The following CADM2 variants were observed in gnomAD, a reference collection of about 807,000 sequenced individuals.
CADM2 encodes the protein cell adhesion molecule 2.
Under a neutral mutation model 49.8 loss-of-function variants are expected in CADM2, and 12 were observed. That is an observed-to-expected ratio of 0.24 (90% confidence interval 0.15 to 0.39). The LOEUF (loss-of-function observed/expected upper bound fraction) is 0.39, where lower values mean the gene tolerates loss of function less well. Among genes scored for constraint, CADM2 ranks in the 10% least tolerant of loss-of-function variants. The pLI is 1.00. For missense variants in CADM2, 378 were observed against 492.3 expected, an observed-to-expected ratio of 0.77 and a Z score of 2.20; for synonymous variants, 214 against 175.4, an observed-to-expected ratio of 1.22 and a Z score of -1.74.
intron 2 of CADM2, among the ~76,000 whole-genome samples, chr3:85,777,341 C>T (rs2107978062): frequency 6.6e-6 from 1 of 151,914 alleles, no homozygotes; most frequent in South Asian, 2.1e-4. Context: ...CTGCAGCCTC[C>T]GCCTCCCGGG....
rs186486326 is a variant in CADM2, at chr3:85,734,008, G to A, written c.88+7460G>A. Among the ~76,000 whole-genome samples the A allele has an allele frequency of 2.3e-3, 353 of 152,182 alleles. 1 individual carries two copies. The highest frequency in any genetic ancestry group is 3.8e-3 in the Non-Finnish European group (261 of 67,982). ...GGAGAAACAGAATGATCAATGTGTA[G>A]CAGTTAGTGGGACATTTTTAAAACA... On this transcript the variant is annotated intron_variant, in intron 2 of 9. Coordinates refer to ENST00000383699, the MANE Select transcript of CADM2 (RefSeq NM_001167675.2).
intron 1 of CADM2, among the ~76,000 whole-genome samples, chr3:85,030,207 A>G (rs536807416): frequency 6.6e-6 from 1 of 152,118 alleles, no homozygotes; most frequent in Non-Finnish European, 1.5e-5. Flanking sequence ...CACTTAGACA[A>G]TTCATTGCTC....
chr3:85,454,796 G>A (rs1483830173), intron 1 of CADM2, among the ~76,000 whole-genome samples: 2 of 152,146 alleles, frequency 1.3e-5, no homozygotes, highest in Non-Finnish European at 2.9e-5. Flanking sequence ...CCTTTAGGGA[G>A]CTTAAAGTTG....
intron 1 of CADM2, among the ~76,000 whole-genome samples, chr3:85,669,486 G>T (rs973839609): frequency 6.6e-6 from 1 of 152,114 alleles, no homozygotes; most frequent in East Asian, 1.9e-4. Context: ...AATTATACTT[G>T]CATTCTTGAA....
chr3:85,412,394 A>G (rs1346123631), intron 1 of CADM2, among the ~76,000 whole-genome samples: 2 of 152,204 alleles, frequency 1.3e-5, no homozygotes, highest in Non-Finnish European at 2.9e-5. Flanking sequence ...TAGTAACTTA[A>G]CTGTAGAAAT....
chr3:85,327,165 A>C (rs2107133032), intron 1 of CADM2, among the ~76,000 whole-genome samples: 1 of 152,196 alleles, frequency 6.6e-6, no homozygotes, highest in African/African-American at 2.4e-5. Context: ...TCTAAGATCT[A>C]AGGCTTCTAA....
intron 1 of CADM2, among the ~76,000 whole-genome samples, chr3:85,541,217 T>G (rs2107035699): frequency 6.6e-6 from 1 of 151,316 alleles, no homozygotes; most frequent in African/African-American, 2.4e-5. Flanking sequence ...ATATATACAT[T>G]TATACATTTA....
intron 1 of CADM2, among the ~76,000 whole-genome samples, chr3:85,464,252 A>G (rs2038388105): frequency 6.6e-6 from 1 of 152,150 alleles, no homozygotes; most frequent in Non-Finnish European, 1.5e-5. Context: ...TATTTTTAAA[A>G]CTGATATTTC....
At chr3:85,447,720 A>G (rs1408103644) in intron 1 of CADM2, among the ~76,000 whole-genome samples, 1 of 152,198 alleles carries the variant, frequency 6.6e-6, no homozygotes, top group Non-Finnish European at 1.5e-5. Flanking sequence ...ACAAACTGTT[A>G]TACTGAATCA....
chr3:85,321,001 AAG>A (rs1172120535), intron 1 of CADM2, among the ~76,000 whole-genome samples: 2 of 148,526 alleles, frequency 1.3e-5, no homozygotes, highest in Non-Finnish European at 3.0e-5. Context: ...TATAAGTTGT[AAG>A]ATGATAAGAC....
chr3:85,409,333 G>T (rs940577927), intron 1 of CADM2, among the ~76,000 whole-genome samples: 14 of 152,030 alleles, frequency 9.2e-5, no homozygotes, highest in Non-Finnish European at 1.9e-4. Flanking sequence ...AATATTATGA[G>T]ATTATATTTA....
chr3:85,154,140 C>T (rs1172146670), intron 1 of CADM2, among the ~76,000 whole-genome samples: 8 of 152,048 alleles, frequency 5.3e-5, no homozygotes, highest in Non-Finnish European at 1.0e-4. Flanking sequence ...CAAATTACTC[C>T]GAGCTACGGG....
chr3:85,157,359 C>G (rs1256698840), intron 1 of CADM2, among the ~76,000 whole-genome samples: 3 of 151,012 alleles, frequency 2.0e-5, no homozygotes, highest in Non-Finnish European at 4.4e-5. Context: ...CATATGGAAC[C>G]AAAAAAGAGC....
chr3:85,092,787 T>C (rs969242015), intron 1 of CADM2, among the ~76,000 whole-genome samples: 1 of 152,172 alleles, frequency 6.6e-6, no homozygotes, highest in African/African-American at 2.4e-5. Flanking sequence ...AGCTACTCTA[T>C]TCTTTAAGCC....
intron 1 of CADM2, among the ~76,000 whole-genome samples, chr3:85,679,760 C>G (rs1464781075): frequency 6.6e-6 from 1 of 152,014 alleles, no homozygotes. Flanking sequence ...TATATAATGA[C>G]TATTAGTAAA....
At chr3:85,588,216 G>A (rs902276672) in intron 1 of CADM2, among the ~76,000 whole-genome samples, 4 of 151,990 alleles carry the variant, frequency 2.6e-5, no homozygotes, top group African/African-American at 9.7e-5. Context: ...CAAGATACAA[G>A]CATTGTTTAA....
At position 85,310,737 on chromosome 3, in the gene CADM2, T is replaced by C. The variant is rs201110105; in HGVS notation, c.61+351069T>C. 4.6e-5 allele frequency among the ~76,000 whole-genome samples: 7 copies of C among 151,686 alleles called. No individual in the cohort carries two copies. The East Asian group carries it at 1.2e-3, about 26-fold the overall frequency. On this transcript the variant is annotated intron_variant, in intron 1 of 9. Coordinates refer to ENST00000383699, the MANE Select transcript of CADM2 (RefSeq NM_001167675.2). ...TTTTCTGTTCCTTTTTGTGTCACCA[T>C]GGGATCTGATGATCACCCTCTGAAA... is the stretch of plus-strand genomic sequence containing the variant.
chr3:85,285,068 C>T (rs2043600655), intron 1 of CADM2, among the ~76,000 whole-genome samples: 1 of 152,028 alleles, frequency 6.6e-6, no homozygotes, highest in African/African-American at 2.4e-5. Context: ...ATAGGATTTG[C>T]TGATGTCCGA....
chr3:85,347,676 C>G (rs2030881535), intron 1 of CADM2, among the ~76,000 whole-genome samples: 1 of 148,426 alleles, frequency 6.7e-6, no homozygotes, highest in Non-Finnish European at 1.5e-5. Flanking sequence ...CAGTCTTACT[C>G]TGTCACCTAG....
Sources: allele counts gnomAD v4.1 joint callset (sites outside exome capture counted in the v4.1 genomes callset), GRCh38; gene constraint gnomAD v4.1.1; transcripts MANE v1.5; gene names NCBI Gene and HGNC (gene_info 2026-07-23, HGNC 2026-07-21).